SRGAP3: variants seen among roughly 807,000 people sequenced by gnomAD.
SRGAP3 encodes SLIT-ROBO Rho GTPase-activating protein 3.
Under a neutral mutation model 121.1 loss-of-function variants are expected in SRGAP3, and 39 were observed. That is an observed-to-expected ratio of 0.32 (90% confidence interval 0.25 to 0.42). SRGAP3 has a LOEUF of 0.42. Ranked by LOEUF, SRGAP3 falls within the 10% of genes least tolerant of loss-of-function variation. The pLI is 1.00. For synonymous variants in SRGAP3, 601 were observed against 570.0 expected, an observed-to-expected ratio of 1.05 and a Z score of -0.77; for missense variants, 1,213 against 1,470.6, an observed-to-expected ratio of 0.82 and a Z score of 2.86.
chr3:9,053,002 G>T (rs749060058), intron 9 of SRGAP3, 25 bp downstream of exon 9: 8 of 1,612,100 alleles, frequency 5.0e-6, no homozygotes, highest in Non-Finnish European at 5.9e-6. Flanking sequence ...CGACAGTGTG[G>T]TTCTGGGCCC....
chr3:9,325,526 T>C (rs1955503971), intron 3 of SRGAP3, among the ~76,000 whole-genome samples: 3 of 152,018 alleles, frequency 2.0e-5, no homozygotes, highest in Admixed American at 2.0e-4. Flanking sequence ...TGATGGCCTT[T>C]AAAGTAGAAT....
At chr3:9,211,415 T>C (rs1004758861) in intron 1 of SRGAP3, among the ~76,000 whole-genome samples, 1 of 152,232 alleles carries the variant, frequency 6.6e-6, no homozygotes, top group Non-Finnish European at 1.5e-5. Flanking sequence ...ACTAATTCTA[T>C]TCCCCAACCA....
intron 7 of SRGAP3, among the ~76,000 whole-genome samples, chr3:9,056,535 A>C (rs1313084604): frequency 1.3e-5 from 2 of 152,198 alleles, no homozygotes; most frequent in Non-Finnish European, 2.9e-5. Flanking sequence ...CTTCCTACTC[A>C]AAGTCCGCAC....
rs1249517470 is a variant in SRGAP3, at chr3:9,179,768, CT to C, written c.68-54852del. Among the ~76,000 whole-genome samples the C allele has an allele frequency of 7.9e-5, 12 of 152,360 alleles. No individual in the cohort carries two copies. The East Asian group carries it at 2.3e-3, about 29-fold the overall frequency. ...ACAGAGTGTTACAGTTTGCAACACA[CT>C]TCCAAGGTGCCATGTTGGCCTTCAT... On this transcript the variant is annotated intron_variant, in intron 1 of 21. Transcript: ENST00000383836.
chr3:9,185,685 C>T (rs1951573470), intron 1 of SRGAP3, among the ~76,000 whole-genome samples: 2 of 152,032 alleles, frequency 1.3e-5, no homozygotes. Context: ...GCGTGTGTCA[C>T]TCAAGTAGCA....
intron 4 of SRGAP3, among the ~76,000 whole-genome samples, chr3:9,073,254 C>T (rs1373696343): frequency 1.3e-5 from 2 of 152,192 alleles, no homozygotes; most frequent in African/African-American, 4.8e-5. Flanking sequence ...GGTAATCCTC[C>T]CACCTCAACC....
In SRGAP3 at chr3:8,981,744, T is replaced by A. The variant is rs901318710; in HGVS notation, c.*3775A>T. On this transcript the variant is annotated 3_prime_UTR_variant, in exon 22 of 22. Transcript: ENST00000383836. ...TCTCTGAACTGCTGGTTCCAGCCGA[T>A]AGCCAAAATATGGCTCAATTTCCCT... The A allele has an allele frequency of 6.9e-5, 16 of 230,316 alleles. No homozygotes were observed. Among genetic ancestry groups the A allele is most frequent in the Middle Eastern group, 1.3e-3 (1 of 760 alleles). 14.3% of individuals were successfully genotyped at this position (230,316 alleles called of 1,614,324 possible).
intron 1 of SRGAP3, among the ~76,000 whole-genome samples, chr3:9,188,574 C>G (rs1281207483): frequency 6.6e-6 from 1 of 152,190 alleles, no homozygotes; most frequent in African/African-American, 2.4e-5. Context: ...TGGGGCCACA[C>G]CAGGGCTAGG....
At chr3:9,073,269 G>A (rs570536825) in intron 4 of SRGAP3, among the ~76,000 whole-genome samples, 40 of 152,138 alleles carry the variant, frequency 2.6e-4, no homozygotes, top group Admixed American at 1.8e-3. Context: ...TCAACCTCCC[G>A]GGTAGCTGCG....
chr3:9,129,874 T>C (rs748373891), intron 1 of SRGAP3, among the ~76,000 whole-genome samples: 1 of 151,894 alleles, frequency 6.6e-6, no homozygotes, highest in African/African-American at 2.4e-5. Context: ...GGATTGTCCT[T>C]CTTCAGCCTC....
rs58914590 is a variant in SRGAP3 at position 9,139,086 on chromosome 3, C to T, written c.68-14169G>A. On this transcript the variant is annotated intron_variant, in intron 1 of 21. Coordinates refer to ENST00000383836, the MANE Select transcript of SRGAP3 (RefSeq NM_014850.4). Reference sequence around the variant, plus strand: ...GTGTCTCCCAGCTGCTTGGCCAGTGCTCAACCCTTTTGTCCATAGTTCTTC... The same window carrying T: ...GTGTCTCCCAGCTGCTTGGCCAGTGTTCAACCCTTTTGTCCATAGTTCTTC... Among the ~76,000 whole-genome samples, 457 of 152,352 alleles carry T rather than the reference C, an allele frequency of 3.0e-3. 1 individual carries two copies. The highest frequency in any genetic ancestry group is 0.01 in the African/African-American group (427 of 41,588).
intron 3 of SRGAP3, among the ~76,000 whole-genome samples, chr3:9,103,524 C>T (rs961663852): frequency 6.6e-6 from 1 of 152,170 alleles, no homozygotes; most frequent in African/African-American, 2.4e-5. Context: ...CCCGAAGATA[C>T]ACAGCTAATA....
intron 14 of SRGAP3, among the ~76,000 whole-genome samples, chr3:9,023,102 G>A (rs1288847151): frequency 6.6e-6 from 1 of 152,008 alleles, no homozygotes; most frequent in Admixed American, 6.5e-5. Context: ...AATATGGAGA[G>A]GCAGGGAAAT....
intron 3 of SRGAP3, among the ~76,000 whole-genome samples, chr3:9,322,723 T>C (rs1575003575): frequency 6.6e-6 from 1 of 151,530 alleles, no homozygotes; most frequent in South Asian, 2.1e-4. Context: ...TCCATGGAAA[T>C]TGTCTTCCAC....
At chr3:9,214,512 A>G (rs1952551514) in intron 1 of SRGAP3, among the ~76,000 whole-genome samples, 1 of 152,218 alleles carries the variant, frequency 6.6e-6, no homozygotes, top group South Asian at 2.1e-4. Flanking sequence ...CACTGAACAA[A>G]AACTTTTAAA....
At chr3:9,023,341 C>A (rs772025486) in intron 14 of SRGAP3, among the ~76,000 whole-genome samples, 6 of 152,188 alleles carry the variant, frequency 3.9e-5, no homozygotes, top group Non-Finnish European at 5.9e-5. Flanking sequence ...TCCAGTGCTG[C>A]CAAGAGAGGC....
At chr3:9,333,106 C>A in intron 1 of SRGAP3, among the ~76,000 whole-genome samples, 1 of 152,222 alleles carries the variant, frequency 6.6e-6, no homozygotes, top group African/African-American at 2.4e-5. Context: ...ACAGATTAAT[C>A]AAATTATTAA....
rs558232094 is a variant in SRGAP3, at chr3:9,109,994, TCC to T, written c.261-5154_261-5153del. Reference sequence around the variant, plus strand: ...CTTTAACTCTCATTAGAGTTCAAGCTCCGTCCTGAGGTCAGCAGGCAGACCTT... The same window carrying T: ...CTTTAACTCTCATTAGAGTTCAAGCTGTCCTGAGGTCAGCAGGCAGACCTT... On this transcript the variant is annotated intron_variant, in intron 2 of 21. Transcript: ENST00000383836. This position sits in a 1 kb window ranked among gnomAD's most constrained non-coding sequence, Gnocchi z 4.4. 3.6e-4 allele frequency among the ~76,000 whole-genome samples: 55 copies of T among 152,220 alleles called. No individual in the cohort carries two copies. Among genetic ancestry groups the T allele is most frequent in the African/African-American group, 1.3e-3 (52 of 41,536 alleles).
At chr3:9,246,582 T>C (rs1280726845) in intron 1 of SRGAP3, among the ~76,000 whole-genome samples, 1 of 152,176 alleles carries the variant, frequency 6.6e-6, no homozygotes, top group Non-Finnish European at 1.5e-5. Flanking sequence ...CTCAGTTTCC[T>C]TGTCTCTGAA....
Sources: gnomAD v4.1 joint callset for allele counts (sites outside exome capture counted in the v4.1 genomes callset) on GRCh38, gnomAD v4.1.1 for gene constraint, Gnocchi (gnomAD v3.1) non-coding constraint, MANE v1.5 for transcripts, NCBI Gene and HGNC (gene_info 2026-07-23, HGNC 2026-07-21) for gene names.